The following CSMD2 variants were observed in gnomAD, a reference collection of about 807,000 sequenced individuals.
The protein encoded by CSMD2 is CUB and sushi domain-containing protein 2.
Under a neutral mutation model 398.5 loss-of-function variants are expected in CSMD2, and 130 were observed. That is an observed-to-expected ratio of 0.33 (90% CI 0.28 to 0.38). The LOEUF is 0.38. CSMD2 is among the 10% of genes least tolerant of loss of function. The pLI is 1.00. For synonymous variants in CSMD2, 1,828 were observed against 1,908.5 expected, an observed-to-expected ratio of 0.96 and a Z score of 1.10; for missense variants, 3,829 against 4,764.9, an observed-to-expected ratio of 0.80 and a Z score of 5.78.
intron 2 of CSMD2, among the ~76,000 whole-genome samples, chr1:34,072,715 C>A (rs1655872529): frequency 6.6e-6 from 1 of 152,122 alleles, no homozygotes; most frequent in Non-Finnish European, 1.5e-5. Context: ...TGACCTTGAA[C>A]CACAGGGTCC....
chr1:33,864,133 G>C, intron 5 of CSMD2: 1 of 1,486,506 alleles, frequency 6.7e-7, no homozygotes, highest in African/African-American at 1.4e-5. Flanking sequence ...CTGGAGTGTG[G>C]GAACAACAGT....
At chr1:33,715,198 C>A (rs1646127543) in intron 20 of CSMD2, among the ~76,000 whole-genome samples, 1 of 152,180 alleles carries the variant, frequency 6.6e-6, no homozygotes, top group Non-Finnish European at 1.5e-5. Flanking sequence ...GGCTCTCCTG[C>A]TTCCTTGTCT....
chr1:33,864,653 C>T lies in CSMD2; in HGVS notation c.921-17657G>A, dbSNP rs373124161. On this transcript the variant is annotated intron_variant, in intron 5 of 70. Coordinates refer to ENST00000373381, the MANE Select transcript of CSMD2 (RefSeq NM_001281956.2). ...TGGCTCTCCTGAGAGCTAAGTACTT[C>T]GAGGAACTTGAACTCTACCGTAAAC... The T allele has an allele frequency of 1.5e-5, 24 of 1,613,840 alleles. No individual in the cohort carries two copies. In the African/African-American group the frequency reaches 1.6e-4, roughly 11 times the overall value.
At chr1:33,737,052 C>T (rs547858647) in intron 15 of CSMD2, among the ~76,000 whole-genome samples, 4 of 152,328 alleles carry the variant, frequency 2.6e-5, no homozygotes, top group South Asian at 2.1e-4. Context: ...ATGCTTTGTA[C>T]GGTGACCTGT....
chr1:33,635,131 G>T lies in CSMD2; in HGVS notation c.5086+83C>A. 1 of 815,442 alleles carries T rather than the reference G, an allele frequency of 1.2e-6. No homozygotes were observed. Among genetic ancestry groups the T allele is most frequent in the Non-Finnish European group, 2.1e-6 (1 of 480,342 alleles). 50.5% of individuals were successfully genotyped at this position (815,442 alleles called of 1,614,324 possible). ...TCCCACAATGGGGCTGTATATAATT[G>T]GGAGGCGTCTGAGGAATTGCTCATT... is the stretch of plus-strand genomic sequence containing the variant. On this transcript the variant is annotated intron_variant, in intron 31 of 70. Transcript: ENST00000373381. This position sits in a 1 kb window ranked among gnomAD's most constrained non-coding sequence, Gnocchi z 5.0.
intron 2 of CSMD2, among the ~76,000 whole-genome samples, chr1:34,053,265 C>T (rs549910929): frequency 6.6e-5 from 10 of 152,052 alleles, no homozygotes; most frequent in Non-Finnish European, 1.0e-4. Flanking sequence ...TAATTGATAC[C>T]GTAAGTGACC....
In CSMD2 at chr1:33,698,930, T is replaced by C. The variant is rs1281286264; in HGVS notation, c.3748A>G (p.Lys1250Glu). ...TTGGGGGTTCCTGGGTCCTCACATT[T>C]GATGAGTTCAAAGCCTGGTGAGGAG... ...ELHFSSFELIKCEDPGTPKFG... is the reference protein window; with the variant it reads ...ELHFSSFELIECEDPGTPKFG... Residue 1250 changes from lysine to glutamate, a missense_variant, in exon 24 of 71, where the codon AAA (lysine) becomes GAA (glutamate). By Grantham distance (56) the Lys-to-Glu change is moderately conservative. Transcript: ENST00000373381. 3 of 1,613,808 alleles carry C rather than the reference T, an allele frequency of 1.9e-6. No individual in the cohort carries two copies. The highest frequency in any genetic ancestry group is 2.5e-6 in the Non-Finnish European group (3 of 1,179,894).
chr1:33,780,751 G>T (rs2149348964), intron 12 of CSMD2, among the ~76,000 whole-genome samples: 1 of 152,328 alleles, frequency 6.6e-6, no homozygotes, highest in South Asian at 2.1e-4. Flanking sequence ...GGCAGCTGCT[G>T]CTTGTATCTA....
At chr1:33,563,555 C>T (rs1394309045) in intron 53 of CSMD2, among the ~76,000 whole-genome samples, 3 of 152,118 alleles carry the variant, frequency 2.0e-5, no homozygotes, top group African/African-American at 7.3e-5. Flanking sequence ...GTCATTGTCT[C>T]ACTTAATCCT....
intron 29 of CSMD2, among the ~76,000 whole-genome samples, chr1:33,645,614 G>A (rs770589550): frequency 1.3e-5 from 2 of 152,142 alleles, no homozygotes; most frequent in Non-Finnish European, 2.9e-5. Context: ...TGGAGTGCTC[G>A]AGAGCCTGGA....
At chr1:33,551,159 G>T (rs1407819287) in intron 55 of CSMD2, among the ~76,000 whole-genome samples, 1 of 152,196 alleles carries the variant, frequency 6.6e-6, no homozygotes, top group Non-Finnish European at 1.5e-5. Context: ...AGGTATAACG[G>T]GCCAGAGGCC....
intron 68 of CSMD2, among the ~76,000 whole-genome samples, chr1:33,520,814 G>A (rs936303195): frequency 6.6e-6 from 1 of 152,118 alleles, no homozygotes; most frequent in Non-Finnish European, 1.5e-5. Flanking sequence ...AGGCTGTCAC[G>A]CACCTGCGGC....
intron 38 of CSMD2, 85 bp downstream of exon 38, chr1:33,617,414 G>T (rs1641464616): frequency 9.9e-7 from 1 of 1,008,104 alleles, no homozygotes; most frequent in African/African-American, 1.6e-5. Context: ...CTGTTCTTTG[G>T]TGACTGTAGC....
At chr1:33,860,303 G>T (rs192387854) in intron 5 of CSMD2, among the ~76,000 whole-genome samples, 59 of 152,212 alleles carry the variant, frequency 3.9e-4, no homozygotes, top group Admixed American at 3.7e-3. Flanking sequence ...TCAGGTATTT[G>T]GTAGAATGTT....
At chr1:33,724,157 T>C in intron 19 of CSMD2, 40 bp downstream of exon 19, 1 of 1,463,708 alleles carries the variant, frequency 6.8e-7, no homozygotes, top group Non-Finnish European at 9.6e-7. Flanking sequence ...GTCCCTGACC[T>C]CGTCACATCC....
chr1:34,043,558 C>G (rs977100521), intron 2 of CSMD2, among the ~76,000 whole-genome samples: 1 of 152,192 alleles, frequency 6.6e-6, no homozygotes, highest in East Asian at 1.9e-4. Context: ...ATAACCTTTT[C>G]ACTATATCAC....
At chr1:33,790,014 C>T (rs949405236) in intron 11 of CSMD2, among the ~76,000 whole-genome samples, 1 of 152,116 alleles carries the variant, frequency 6.6e-6, no homozygotes, top group Non-Finnish European at 1.5e-5. Context: ...TCCTCAATAG[C>T]CTTTTCAAAA....
At chr1:33,730,477 T>TAGA (rs1646683416) in intron 15 of CSMD2, among the ~76,000 whole-genome samples, 1 of 152,128 alleles carries the variant, frequency 6.6e-6, no homozygotes, top group African/African-American at 2.4e-5. Flanking sequence ...AAGCAATTTC[T>TAGA]AGAAACTCAG....
chr1:34,035,672 C>T (rs144729949), intron 2 of CSMD2, among the ~76,000 whole-genome samples: 200 of 111,026 alleles, frequency 1.8e-3, no homozygotes, highest in Middle Eastern at 5.1e-3. Context: ...TGTAGTTAAA[C>T]GAAAAAAAAA....
Sources: gnomAD v4.1 joint callset for allele counts (sites outside exome capture counted in the v4.1 genomes callset) on GRCh38, gnomAD v4.1.1 for gene constraint, Gnocchi (gnomAD v3.1) non-coding constraint, MANE v1.5 for transcripts, NCBI Gene and HGNC (gene_info 2026-07-23, HGNC 2026-07-21) for gene names.